Variants in DLGAP2 observed in about 807,000 individuals in gnomAD.
The protein encoded by DLGAP2 is disks large-associated protein 2.
Under a neutral mutation model 100.3 loss-of-function variants are expected in DLGAP2, and 26 were observed. That is an observed-to-expected ratio of 0.26 (90% CI 0.19 to 0.36). The LOEUF (loss-of-function observed/expected upper bound fraction) is 0.36, where lower values mean the gene tolerates loss of function less well. Among genes scored for constraint, DLGAP2 ranks in the 10% least tolerant of loss-of-function variants. The pLI is 1.00. For synonymous variants in DLGAP2, 886 were observed against 630.1 expected, an observed-to-expected ratio of 1.41 and a Z score of -6.08; for missense variants, 1,858 against 1,453.2, an observed-to-expected ratio of 1.28 and a Z score of -4.53.
intron 3 of DLGAP2, chr8:1,299,892 A>T (rs1474976728): frequency 6.6e-6 from 1 of 152,154 alleles, no homozygotes; most frequent in African/African-American, 2.4e-5. Flanking sequence ...CCATAGACTA[A>T]GCGGCTTAAG....
intron 6 of DLGAP2, among the ~76,000 whole-genome samples, chr8:1,582,798 A>T (rs566531512): frequency 6.6e-6 from 1 of 152,158 alleles, no homozygotes; most frequent in African/African-American, 2.4e-5. Context: ...GAGTTTCACC[A>T]TGTTGGCCAG....
chr8:757,607 G>A (rs1188646360), intron 1 of DLGAP2, among the ~76,000 whole-genome samples: 1 of 152,240 alleles, frequency 6.6e-6, no homozygotes, highest in Non-Finnish European at 1.5e-5. Flanking sequence ...GTTGACGGAT[G>A]GTGCTGGGTC....
At chr8:1,463,474 G>A (rs780955501) in intron 3 of DLGAP2, among the ~76,000 whole-genome samples, 20 of 152,314 alleles carry the variant, frequency 1.3e-4, no homozygotes, top group Non-Finnish European at 1.5e-4. Context: ...CGAACCCACC[G>A]TCCAAAGCCA....
chr8:1,162,740 C>G (rs1461543714), intron 2 of DLGAP2, among the ~76,000 whole-genome samples: 2 of 152,216 alleles, frequency 1.3e-5, no homozygotes, highest in African/African-American at 4.8e-5. Flanking sequence ...AAGATTCAGC[C>G]ATGGAGGCTG....
intron 2 of DLGAP2, among the ~76,000 whole-genome samples, chr8:1,236,401 A>G (rs1295244245): frequency 7.9e-5 from 3 of 37,958 alleles, no homozygotes; most frequent in Admixed American, 2.8e-4. Context: ...TGCCGTGTCT[A>G]GTTCTCTCAC....
At chr8:1,200,156 T>C (rs80132792) in intron 2 of DLGAP2, among the ~76,000 whole-genome samples, 15,778 of 152,116 alleles carry the variant, frequency 0.1, 865 homozygotes, top group East Asian at 0.14. Flanking sequence ...CAGGAGAGGC[T>C]GGGTTTCCCT....
intron 1 of DLGAP2, among the ~76,000 whole-genome samples, chr8:772,704 C>T (rs192385375): frequency 1.2e-4 from 18 of 152,308 alleles, no homozygotes; most frequent in Admixed American, 4.6e-4. Flanking sequence ...CAGCCCATCT[C>T]GACTGGACAG....
intron 2 of DLGAP2, among the ~76,000 whole-genome samples, chr8:1,184,469 A>G (rs1286157610): frequency 1.3e-5 from 2 of 152,196 alleles, no homozygotes; most frequent in Non-Finnish European, 2.9e-5. Flanking sequence ...GGCTGAGGCC[A>G]TTCTTCTCTG....
chr8:1,676,397 T>C (rs1798811592), intron 10 of DLGAP2, 136 bp from the exon 11 acceptor site: 1 of 848,978 alleles, frequency 1.2e-6, no homozygotes, highest in Non-Finnish European at 1.9e-6. Flanking sequence ...TCTGCGGTTT[T>C]ACTGGGTCAA....
At chr8:849,691 CT>C (rs1309591290) in intron 1 of DLGAP2, among the ~76,000 whole-genome samples, 2 of 152,162 alleles carry the variant, frequency 1.3e-5, no homozygotes, top group African/African-American at 4.8e-5. Context: ...TGCATTTCCC[CT>C]GATAACTGAT....
intron 3 of DLGAP2, among the ~76,000 whole-genome samples, chr8:1,294,643 C>T (rs1045560486): frequency 6.6e-6 from 1 of 152,060 alleles, no homozygotes; most frequent in African/African-American, 2.4e-5. Flanking sequence ...TTATCTGTTA[C>T]CAAATGTTTA....
intron 2 of DLGAP2, among the ~76,000 whole-genome samples, chr8:1,003,930 T>C (rs77273715): frequency 6.6e-6 from 1 of 152,178 alleles, no homozygotes; most frequent in African/African-American, 2.4e-5. Context: ...TGTTTTAGCT[T>C]GGTGTCCCCC....
intron 1 of DLGAP2, among the ~76,000 whole-genome samples, chr8:828,260 G>C (rs999377829): frequency 1.4e-4 from 21 of 152,174 alleles, no homozygotes; most frequent in Admixed American, 3.9e-4. Flanking sequence ...AAGCCTGGGA[G>C]CGCTATGGGA....
intron 2 of DLGAP2, among the ~76,000 whole-genome samples, chr8:974,655 T>A (rs1355951269): frequency 6.6e-6 from 1 of 152,174 alleles, no homozygotes; most frequent in Non-Finnish European, 1.5e-5. Context: ...AACACATTCG[T>A]CAAAGAAGAA....
At chr8:1,530,540 G>GA (rs1400842614) in intron 4 of DLGAP2, among the ~76,000 whole-genome samples, 1 of 152,144 alleles carries the variant, frequency 6.6e-6, no homozygotes, top group Non-Finnish European at 1.5e-5. Context: ...CTCCTCAGCT[G>GA]ACAGGATTAA....
intron 2 of DLGAP2, among the ~76,000 whole-genome samples, chr8:1,012,271 TC>T (rs1186663857): frequency 1.3e-5 from 2 of 152,210 alleles, no homozygotes; most frequent in Non-Finnish European, 2.9e-5. Flanking sequence ...CCTTCGCTCT[TC>T]CTGTAGTCCT....
At chr8:1,054,083 A>G (rs1188884808) in intron 2 of DLGAP2, among the ~76,000 whole-genome samples, 1 of 152,066 alleles carries the variant, frequency 6.6e-6, no homozygotes, top group Non-Finnish European at 1.5e-5. Flanking sequence ...GAGTGCTGAA[A>G]TGGGAGCCTC....
At chr8:1,537,128 C>T (rs190874197) in intron 4 of DLGAP2, among the ~76,000 whole-genome samples, 5 of 151,972 alleles carry the variant, frequency 3.3e-5, no homozygotes, top group East Asian at 1.9e-4. Context: ...TGGTAGACCC[C>T]TGCAGCTCTG....
intron 2 of DLGAP2, among the ~76,000 whole-genome samples, chr8:1,234,351 A>T (rs1451664728): frequency 6.6e-6 from 1 of 152,130 alleles, no homozygotes; most frequent in African/African-American, 2.4e-5. Flanking sequence ...TACGTGTTCT[A>T]GGCATCTCTC....
Sources: gnomAD v4.1 joint callset for allele counts (sites outside exome capture counted in the v4.1 genomes callset) on GRCh38, gnomAD v4.1.1 for gene constraint, MANE v1.5 for transcripts, NCBI Gene and HGNC (gene_info 2026-07-23, HGNC 2026-07-21) for gene names.